OR52N4: variants seen among roughly 807,000 people sequenced by gnomAD.
The protein encoded by OR52N4 is olfactory receptor family 52 subfamily N member 4.
A neutral mutation model predicts 15.0 loss-of-function variants in OR52N4; 15 were observed. That is an observed-to-expected ratio of 1.00 (90% confidence interval 0.67 to 1.54). The LOEUF is 1.54. Among genes scored for constraint, OR52N4 ranks in the 40% most tolerant of loss-of-function variants. OR52N4 has a pLI of 0.00. For missense variants in OR52N4, 421 were observed against 394.0 expected (o/e 1.07, Z -0.58); for synonymous variants, 143 against 143.7 (o/e 1.00, Z 0.03).
Position 5,754,899 on chromosome 11 carries a change from T to A in OR52N4, c.159T>A (p.Tyr53Ter), listed in dbSNP as rs1388795155. ...GTGGACTCCTCTACCTCATTCACTA[T>A]GAGGATGCCCTGCACAAACCCATGT... ...GNCGLLYLIH[Y>*]EDALHKPMYY... The change falls in exon 2 of 2, where the codon TAT becomes TAA. Residue 53 changes from tyrosine to a stop codon, truncating the protein, a stop_gained. Transcript: ENST00000641350. LOFTEE classifies it high-confidence loss of function. 6.2e-7 allele frequency: 1 copy of A among 1,613,860 alleles called. No individual in the cohort carries two copies. The highest frequency in any genetic ancestry group is 1.1e-5 in the South Asian group (1 of 91,088).
the OR52N4 span, among the ~76,000 whole-genome samples, chr11:5,744,053 C>T: frequency 1.3e-5 from 2 of 151,910 alleles, no homozygotes; most frequent in East Asian, 3.8e-4. Flanking sequence ...ACAAATGATG[C>T]CACAGAAATA....
chr11:5,750,048 A>G (rs76470370), upstream of OR52N4, among the ~76,000 whole-genome samples: 4,651 of 152,058 alleles, frequency 0.031, 70 homozygotes, highest in Middle Eastern at 0.092. Flanking sequence ...TTGTGTAAGC[A>G]TAAAACCAGT....
the OR52N4 span, chr11:5,736,242 G>A: frequency 9.9e-6 from 4 of 403,856 alleles, no homozygotes; most frequent in Non-Finnish European, 1.8e-5. Flanking sequence ...GACGTTAATG[G>A]ACATCTATAT....
At chr11:5,738,686 A>C in the OR52N4 span, among the ~76,000 whole-genome samples, 1 of 152,186 alleles carries the variant, frequency 6.6e-6, no homozygotes, top group African/African-American at 2.4e-5. Context: ...AGATGATCAG[A>C]TATAAAGACA....
At chr11:5,733,494 C>A in the OR52N4 span, among the ~76,000 whole-genome samples, 1 of 152,120 alleles carries the variant, frequency 6.6e-6, no homozygotes, top group Admixed American at 6.5e-5. Context: ...TCAGAACAAA[C>A]ATTTTTTCAG....
the OR52N4 span, among the ~76,000 whole-genome samples, chr11:5,743,886 G>T: frequency 3.9e-4 from 60 of 152,058 alleles, no homozygotes; most frequent in African/African-American, 1.4e-3. Flanking sequence ...AAATATCAGA[G>T]AAGAGATAAA....
chr11:5,742,804 C>G, the OR52N4 span, among the ~76,000 whole-genome samples: 1 of 152,024 alleles, frequency 6.6e-6, no homozygotes, highest in Non-Finnish European at 1.5e-5. Context: ...GTAAAAAACT[C>G]ATAGATCTTC....
the OR52N4 span, among the ~76,000 whole-genome samples, chr11:5,743,231 A>C: frequency 1.1e-4 from 17 of 152,298 alleles, no homozygotes; most frequent in East Asian, 3.3e-3. Context: ...AACCAGTTTC[A>C]CAAAACAAAT....
chr11:5,734,673 T>C, the OR52N4 span, among the ~76,000 whole-genome samples: 1 of 152,114 alleles, frequency 6.6e-6, no homozygotes, highest in Non-Finnish European at 1.5e-5. Context: ...GATAAAATGT[T>C]ATGTGATATT....
In OR52N4 at chr11:5,755,413, C is replaced by A; in HGVS notation, c.673C>A (p.Arg225=). The A allele has an allele frequency of 6.2e-7, 1 of 1,614,046 alleles. No individual in the cohort carries two copies. Among genetic ancestry groups the A allele is most frequent in the Non-Finnish European group, 8.5e-7 (1 of 1,179,956 alleles). Residue 225 remains arginine (R), a synonymous_variant, in exon 2 of 2, where the codon CGG becomes AGG. Transcript: ENST00000641350. ...CACCAACTCCTATACCATGATTCTC[C>A]GGGCAGTGGTCAGCCTCTCCTCAGC... The part of the protein sequence containing the change: ...CITNSYTMIL[R]AVVSLSSADA...
the OR52N4 span, among the ~76,000 whole-genome samples, chr11:5,731,906 T>C: frequency 1.3e-5 from 2 of 152,208 alleles, no homozygotes; most frequent in Non-Finnish European, 1.5e-5. Context: ...TTTTGATGTA[T>C]ATTTTCATTT....
At chr11:5,742,984 G>C in the OR52N4 span, among the ~76,000 whole-genome samples, 3 of 152,166 alleles carry the variant, frequency 2.0e-5, no homozygotes, top group South Asian at 2.1e-4. Context: ...AACATGTGCT[G>C]CCTATTAAAA....
chr11:5,750,340 A>G (rs772854192), upstream of OR52N4, among the ~76,000 whole-genome samples: 40 of 151,998 alleles, frequency 2.6e-4, no homozygotes, highest in Admixed American at 1.5e-3. Context: ...CTTTCCACAC[A>G]TAATTCATTA....
the OR52N4 span, chr11:5,736,980 T>G: frequency 6.2e-7 from 1 of 1,614,170 alleles, no homozygotes; most frequent in Non-Finnish European, 8.5e-7. Flanking sequence ...AAAGCTACCC[T>G]GTTCATGGTG....
the OR52N4 span, among the ~76,000 whole-genome samples, chr11:5,744,244 C>T: frequency 6.6e-6 from 1 of 152,080 alleles, no homozygotes; most frequent in Non-Finnish European, 1.5e-5. Context: ...ATGCCTAGGA[C>T]CAGAGGCATT....
the OR52N4 span, among the ~76,000 whole-genome samples, chr11:5,730,711 T>C: frequency 3.9e-4 from 59 of 151,402 alleles, no homozygotes; most frequent in Admixed American, 7.3e-4. Flanking sequence ...TTCTCACTCA[T>C]TCCAATCTAA....
At chr11:5,748,579 A>G in the OR52N4 span, among the ~76,000 whole-genome samples, 1 of 151,974 alleles carries the variant, frequency 6.6e-6, no homozygotes, top group African/African-American at 2.4e-5. Context: ...TTATTAAAAA[A>G]ATAAACTTTT....
the OR52N4 span, among the ~76,000 whole-genome samples, chr11:5,731,132 A>T: frequency 3.9e-5 from 6 of 152,188 alleles, no homozygotes. Context: ...AAAACTAAAA[A>T]CTTTCAGGAA....
chr11:5,738,921 T>A, the OR52N4 span, among the ~76,000 whole-genome samples: 1 of 130,696 alleles, frequency 7.7e-6, no homozygotes, highest in African/African-American at 2.7e-5. Context: ...ATATGAGTAT[T>A]AATTTTGGGT....
Sources: gnomAD v4.1 joint callset for allele counts (sites outside exome capture counted in the v4.1 genomes callset) on GRCh38, gnomAD v4.1.1 for gene constraint, MANE v1.5 for transcripts, NCBI Gene and HGNC (gene_info 2026-07-23, HGNC 2026-07-21) for gene names.